Variants in SLC44A5 observed in about 807,000 individuals in gnomAD.
SLC44A5 encodes choline transporter-like protein 5.
A neutral mutation model predicts 101.8 loss-of-function variants in SLC44A5; 57 were observed. The observed-to-expected ratio is 0.56, with a 90% CI of 0.45 to 0.70. The LOEUF (loss-of-function observed/expected upper bound fraction) is 0.70, where lower values mean the gene tolerates loss of function less well. SLC44A5 is among the 30% of genes least tolerant of loss of function. The probability of loss-of-function intolerance (pLI) is 0.00; values close to 1 mark genes in which losing one functional copy is unlikely to be tolerated. For missense variants in SLC44A5, 737 were observed against 853.1 expected (o/e 0.86, Z 1.70); for synonymous variants, 281 against 290.9 (o/e 0.97, Z 0.35).
intron 2 of SLC44A5, among the ~76,000 whole-genome samples, chr1:75,413,979 T>C (rs1397358214): frequency 2.6e-5 from 4 of 152,168 alleles, no homozygotes; most frequent in African/African-American, 4.8e-5. Context: ...TCCCTAATAC[T>C]ATCCATTTTG....
the SLC44A5 span, among the ~76,000 whole-genome samples, chr1:75,643,937 T>C: frequency 3.9e-5 from 6 of 152,246 alleles, no homozygotes; most frequent in African/African-American, 1.4e-4. Context: ...AGAAAAGATA[T>C]AGAAGCGTGT....
the SLC44A5 span, among the ~76,000 whole-genome samples, chr1:75,715,786 A>G: frequency 6.6e-6 from 1 of 152,236 alleles, no homozygotes; most frequent in Non-Finnish European, 1.5e-5. Flanking sequence ...AAAAATGAAA[A>G]TTGACAAATA....
intron 2 of SLC44A5, among the ~76,000 whole-genome samples, chr1:75,474,696 C>A (rs1667289081): frequency 6.6e-6 from 1 of 152,130 alleles, no homozygotes; most frequent in South Asian, 2.1e-4. Flanking sequence ...AATGACAATA[C>A]AAGACAGAGT....
At chr1:75,566,584 T>C (rs1276951414) in intron 1 of SLC44A5, among the ~76,000 whole-genome samples, 1 of 152,216 alleles carries the variant, frequency 6.6e-6, no homozygotes, top group East Asian at 1.9e-4. Context: ...TCTTTAAAAA[T>C]CACTCTCAAA....
At chr1:75,385,603 A>T (rs1661266988) in intron 3 of SLC44A5, among the ~76,000 whole-genome samples, 1 of 152,194 alleles carries the variant, frequency 6.6e-6, no homozygotes, top group East Asian at 1.9e-4. Flanking sequence ...GACCAGATGG[A>T]TTCACAGCCA....
intron 20 of SLC44A5, 151 bp downstream of exon 20, chr1:75,214,454 T>C: frequency 3.6e-6 from 2 of 551,296 alleles, no homozygotes; most frequent in Non-Finnish European, 6.0e-6. Context: ...AATAAATTAA[T>C]GGTATGAGAG....
rs754405645 is a variant in SLC44A5 at position 75,213,694 on chromosome 1, C to G, written c.1962+11G>C. The stretch of plus-strand genomic sequence containing the variant: ...ATAGCAGCCTGTACTGACTCAGACA[C>G]CAGCTCTTACCAGCAAAGGTACCCA... On this transcript the variant is annotated intron_variant, in intron 22 of 23. Coordinates refer to ENST00000370859, the MANE Select transcript of SLC44A5 (RefSeq NM_001130058.2). The G allele has an allele frequency of 5.7e-6, 9 of 1,581,818 alleles. No individual in the cohort carries two copies. The highest frequency in any genetic ancestry group is 7.8e-6 in the Non-Finnish European group (9 of 1,151,214).
chr1:75,628,169 T>C, the SLC44A5 span, among the ~76,000 whole-genome samples: 1 of 151,926 alleles, frequency 6.6e-6, no homozygotes, highest in Non-Finnish European at 1.5e-5. Flanking sequence ...AATTCAAAAC[T>C]TTAGGATATG....
chr1:75,213,624 A>C, intron 22 of SLC44A5, 81 bp downstream of exon 22: 1 of 1,045,244 alleles, frequency 9.6e-7, no homozygotes, highest in Non-Finnish European at 1.5e-6. Flanking sequence ...ACTGTGAGGA[A>C]TAAATTTCTG....
At chr1:75,661,024 A>T in the SLC44A5 span, among the ~76,000 whole-genome samples, 1 of 152,148 alleles carries the variant, frequency 6.6e-6, no homozygotes, top group Non-Finnish European at 1.5e-5. Context: ...GATCCTGAAT[A>T]GCCAAAGCAA....
At chr1:75,679,891 A>G in the SLC44A5 span, among the ~76,000 whole-genome samples, 20 of 152,316 alleles carry the variant, frequency 1.3e-4, no homozygotes, top group East Asian at 3.9e-3. Flanking sequence ...AGACACATAT[A>G]GGCTCAAAAT....
At chr1:75,212,113 T>C (rs1646870486) in intron 22 of SLC44A5, among the ~76,000 whole-genome samples, 1 of 152,152 alleles carries the variant, frequency 6.6e-6, no homozygotes, top group East Asian at 1.9e-4. Context: ...GCCAATGATA[T>C]TTTGTGTCTC....
chr1:75,427,577 T>G (rs1452269592), intron 2 of SLC44A5, among the ~76,000 whole-genome samples: 2 of 152,170 alleles, frequency 1.3e-5, no homozygotes, highest in African/African-American at 4.8e-5. Flanking sequence ...ATCACATTAT[T>G]TATGACTGAT....
chr1:75,270,824 C>G (rs1651405467), intron 6 of SLC44A5, among the ~76,000 whole-genome samples: 1 of 152,050 alleles, frequency 6.6e-6, no homozygotes, highest in South Asian at 2.1e-4. Context: ...TTAAGCGAAG[C>G]CTATCTTTGA....
At chr1:75,438,517 T>C (rs546562604) in intron 2 of SLC44A5, among the ~76,000 whole-genome samples, 115 of 152,068 alleles carry the variant, frequency 7.6e-4, no homozygotes, top group Non-Finnish European at 1.5e-3. Context: ...GGGAGCACTG[T>C]GCAGTACTAA....
At position 75,211,517 on chromosome 1, in the gene SLC44A5, C is replaced by T; in HGVS notation, c.1998G>A (p.Gly666=). 1 of 1,612,742 alleles carries T rather than the reference C, an allele frequency of 6.2e-7. No individual in the cohort carries two copies. Among genetic ancestry groups the T allele is most frequent in the African/African-American group, 1.3e-5 (1 of 74,950 alleles). The part of the protein sequence containing the change: ...VIFGSYLIAH[G]FFSVYAMCVE... Reference sequence around the variant, plus strand: ...CACACATTGCATAGACGCTGAAGAACCCATGTGCAATCAGGTAAGACCCAA... The same window carrying T: ...CACACATTGCATAGACGCTGAAGAATCCATGTGCAATCAGGTAAGACCCAA... Residue 666 remains glycine, a synonymous_variant, in exon 23 of 24, where the codon GGG becomes GGA. Transcript: ENST00000370859.
intron 2 of SLC44A5, among the ~76,000 whole-genome samples, chr1:75,493,049 G>C (rs148675076): frequency 3.9e-5 from 6 of 152,316 alleles, no homozygotes; most frequent in African/African-American, 1.4e-4. Context: ...ATCATGTGAA[G>C]AGTCCTGAAT....
At position 75,222,464 on chromosome 1, in the gene SLC44A5, TG is replaced by T. The variant is rs1330916599; in HGVS notation, c.986-5del. The T allele has an allele frequency of 6.3e-7, 1 of 1,589,088 alleles. No homozygotes were observed. Among genetic ancestry groups the T allele is most frequent in the East Asian group, 2.2e-5 (1 of 44,622 alleles). Reference sequence around the variant, plus strand: ...TCAATGATGCAGAGTATTATCACTTTGAACAGGAAAAAAAAAATCAGTCTGT... The same window carrying T: ...TCAATGATGCAGAGTATTATCACTTTAACAGGAAAAAAAAAATCAGTCTGT... On this transcript the variant is annotated splice_polypyrimidine_tract_variant and splice_region_variant and intron_variant, in intron 13 of 23. Coordinates refer to ENST00000370859, the MANE Select transcript of SLC44A5 (RefSeq NM_001130058.2).
chr1:75,535,779 T>C (rs187401832), intron 2 of SLC44A5, among the ~76,000 whole-genome samples: 138 of 152,294 alleles, frequency 9.1e-4, no homozygotes, highest in Non-Finnish European at 1.1e-3. Flanking sequence ...TGAATGAGTT[T>C]TTCAGGCAAT....
Sources: allele counts gnomAD v4.1 joint callset (sites outside exome capture counted in the v4.1 genomes callset), GRCh38; gene constraint gnomAD v4.1.1; transcripts MANE v1.5; gene names NCBI Gene and HGNC (gene_info 2026-07-23, HGNC 2026-07-21).